DPP10: variants seen among roughly 807,000 people sequenced by gnomAD.
DPP10 encodes inactive dipeptidyl peptidase 10.
DPP10 carries 33 observed loss-of-function variants against 120.9 expected under a neutral mutation model. The ratio of observed to expected loss-of-function variants is 0.27; its 90% confidence interval spans 0.21 to 0.37. The LOEUF is 0.37. Among genes scored for constraint, DPP10 ranks in the 10% least tolerant of loss-of-function variants. The pLI is 1.00. For missense variants in DPP10, 816 were observed against 942.8 expected (o/e 0.87, Z 1.76); for synonymous variants, 337 against 326.1 (o/e 1.03, Z -0.36).
intron 5 of DPP10, among the ~76,000 whole-genome samples, chr2:115,612,245 A>G (rs557741586): frequency 6.6e-6 from 1 of 152,274 alleles, no homozygotes; most frequent in East Asian, 1.9e-4. Flanking sequence ...GAAATTTTCC[A>G]AAAAGAATCT....
intron 1 of DPP10, among the ~76,000 whole-genome samples, chr2:115,193,979 T>TTTCC (rs2055068327): frequency 6.6e-6 from 1 of 152,158 alleles, no homozygotes; most frequent in African/African-American, 2.4e-5. Context: ...ACCTGCTGGG[T>TTTCC]TAAGTGAATT....
Position 115,527,650 on chromosome 2 carries a change from G to A in DPP10, c.441+1678G>A, listed in dbSNP as rs530895731. 3.3e-5 allele frequency among the ~76,000 whole-genome samples: 5 copies of A among 152,074 alleles called. No homozygotes were observed. In the East Asian group the frequency reaches 9.7e-4, roughly 29 times the overall value. Reference sequence around the variant, plus strand: ...ATATAAAGAATTCTTAAAAATGAACGGTTAAAAACAACAACTATAACAAAA... The same window carrying A: ...ATATAAAGAATTCTTAAAAATGAACAGTTAAAAACAACAACTATAACAAAA... On this transcript the variant is annotated intron_variant, in intron 5 of 25. Coordinates refer to ENST00000410059, the MANE Select transcript of DPP10 (RefSeq NM_020868.6).
intron 1 of DPP10, among the ~76,000 whole-genome samples, chr2:114,752,633 G>A (rs953445251): frequency 3.3e-5 from 5 of 152,112 alleles, no homozygotes; most frequent in South Asian, 2.1e-4. Context: ...CACTTGTGCA[G>A]GCATCAGACT....
chr2:115,637,854 C>T (rs373674885), intron 5 of DPP10, among the ~76,000 whole-genome samples: 1 of 152,130 alleles, frequency 6.6e-6, no homozygotes, highest in Admixed American at 6.5e-5. Context: ...TAGACATCAC[C>T]AGTCTGTGAC....
At chr2:115,295,520 A>G (rs1281959310) in intron 1 of DPP10, among the ~76,000 whole-genome samples, 1 of 152,108 alleles carries the variant, frequency 6.6e-6, no homozygotes, top group Non-Finnish European at 1.5e-5. Context: ...AAACACACAC[A>G]AATTCTTAAT....
chr2:115,694,862 C>A (rs905150363), intron 7 of DPP10, among the ~76,000 whole-genome samples: 2 of 152,182 alleles, frequency 1.3e-5, no homozygotes, highest in Non-Finnish European at 1.5e-5. Flanking sequence ...GTTCCTGGAG[C>A]ATGCATTCAT....
chr2:114,477,486 TATAC>T (rs1281880725), intron 1 of DPP10, among the ~76,000 whole-genome samples: 3 of 148,810 alleles, frequency 2.0e-5, no homozygotes, highest in Admixed American at 6.9e-5. Flanking sequence ...TACATACACA[TATAC>T]ATACGTATAT....
chr2:115,517,137 C>A (rs74828219), intron 4 of DPP10, among the ~76,000 whole-genome samples: 1 of 152,062 alleles, frequency 6.6e-6, no homozygotes, highest in Admixed American at 6.6e-5. Flanking sequence ...GAAGCAATTG[C>A]ACGTGTATTT....
At chr2:115,252,818 C>T (rs1286657030) in intron 1 of DPP10, among the ~76,000 whole-genome samples, 1 of 152,152 alleles carries the variant, frequency 6.6e-6, no homozygotes, top group Non-Finnish European at 1.5e-5. Context: ...AATTGTGTGC[C>T]TTTAAATGAA....
intron 1 of DPP10, among the ~76,000 whole-genome samples, chr2:114,567,115 C>T (rs535226910): frequency 8.5e-5 from 13 of 152,244 alleles, no homozygotes; most frequent in East Asian, 3.9e-4. Context: ...TAGGTGTTAA[C>T]GGCTGAGATC....
chr2:115,353,564 G>A (rs530329382), intron 3 of DPP10, among the ~76,000 whole-genome samples: 1 of 152,214 alleles, frequency 6.6e-6, no homozygotes, highest in East Asian at 1.9e-4. Context: ...GTTAGTAGTA[G>A]GAATTGAAGT....
intron 1 of DPP10, among the ~76,000 whole-genome samples, chr2:114,931,934 CT>C (rs1189426854): frequency 2.0e-5 from 3 of 152,202 alleles, no homozygotes; most frequent in Admixed American, 6.5e-5. Flanking sequence ...TTATTCATTG[CT>C]TTTGAAATCC....
At chr2:115,435,458 C>T (rs932677093) in intron 3 of DPP10, among the ~76,000 whole-genome samples, 1 of 151,770 alleles carries the variant, frequency 6.6e-6, no homozygotes, top group Non-Finnish European at 1.5e-5. Context: ...TGATGTTCAA[C>T]ATTTTTTCAT....
At chr2:115,566,157 G>A (rs2080998203) in intron 5 of DPP10, among the ~76,000 whole-genome samples, 1 of 152,104 alleles carries the variant, frequency 6.6e-6, no homozygotes, top group Non-Finnish European at 1.5e-5. Flanking sequence ...CAAACCAGGA[G>A]CCACATAATG....
rs1211967958 is a variant in DPP10 at position 115,351,839 on chromosome 2, G to A, written c.271+7927G>A. ...TTTGTAAAATTGTGCTTTTACCAAA[G>A]TTTAGATTAAATTTCATCTGTATTA... On this transcript the variant is annotated intron_variant, in intron 3 of 25. Transcript: ENST00000410059. Among the ~76,000 whole-genome samples the A allele has an allele frequency of 2.0e-5, 3 of 152,058 alleles. No individual in the cohort carries two copies. In the East Asian group the frequency reaches 5.8e-4, roughly 29 times the overall value.
At chr2:115,351,019 G>A (rs1182118749) in intron 3 of DPP10, among the ~76,000 whole-genome samples, 1 of 152,032 alleles carries the variant, frequency 6.6e-6, no homozygotes, top group Non-Finnish European at 1.5e-5. Context: ...TCTTATTAAT[G>A]GGTATATACC....
intron 1 of DPP10, among the ~76,000 whole-genome samples, chr2:114,581,065 G>A (rs1029800718): frequency 6.6e-6 from 1 of 151,750 alleles, no homozygotes; most frequent in African/African-American, 2.4e-5. Flanking sequence ...GATTCTGTAG[G>A]GTTTTGGCAT....
chr2:115,312,023 T>G (rs916618534), intron 2 of DPP10, among the ~76,000 whole-genome samples: 2 of 152,120 alleles, frequency 1.3e-5, no homozygotes, highest in African/African-American at 4.8e-5. Context: ...CCCAAAGTGC[T>G]GGGATTACAA....
In DPP10 at chr2:114,767,920, A is replaced by G. The variant is rs573976502; in HGVS notation, c.60+325082A>G. On this transcript the variant is annotated intron_variant, in intron 1 of 25. Transcript: ENST00000410059. ...CAGATCACCTGAGGTCAGGAGTTTG[A>G]AACCAGCCAGGCCAACATGATGAAA... 3.9e-5 allele frequency among the ~76,000 whole-genome samples: 6 copies of G among 152,216 alleles called. No individual in the cohort carries two copies. The South Asian group carries it at 1.2e-3, about 32-fold the overall frequency.
Sources: gnomAD v4.1 joint callset for allele counts (sites outside exome capture counted in the v4.1 genomes callset) on GRCh38, gnomAD v4.1.1 for gene constraint, MANE v1.5 for transcripts, NCBI Gene and HGNC (gene_info 2026-07-23, HGNC 2026-07-21) for gene names.